Variants in WDPCP observed in about 807,000 individuals in gnomAD.
WDPCP encodes the protein WD repeat containing planar cell polarity effector.
WDPCP carries 71 observed loss-of-function variants against 93.1 expected under a neutral mutation model. That is an observed-to-expected ratio of 0.76 (90% CI 0.63 to 0.93). WDPCP has a LOEUF of 0.93. Among genes scored for constraint, WDPCP ranks in the 40% least tolerant of loss-of-function variants. The pLI is 0.00. For synonymous variants in WDPCP, 315 were observed against 315.0 expected, an observed-to-expected ratio of 1.00 and a Z score of 0.00; for missense variants, 844 against 887.4, an observed-to-expected ratio of 0.95 and a Z score of 0.62.
intron 1 of WDPCP, among the ~76,000 whole-genome samples, chr2:63,514,441 G>A (rs1242571345): frequency 6.6e-6 from 1 of 152,064 alleles, no homozygotes; most frequent in Non-Finnish European, 1.5e-5. Context: ...TACATGGGTT[G>A]CACCATTGAT....
chr2:63,491,962 C>T (rs1312677750), intron 2 of WDPCP, among the ~76,000 whole-genome samples: 1 of 152,148 alleles, frequency 6.6e-6, no homozygotes, highest in East Asian at 1.9e-4. Context: ...AGGGTTTATA[C>T]CTTCTTTATT....
chr2:63,380,929 C>G (rs949558849), intron 11 of WDPCP, among the ~76,000 whole-genome samples: 3 of 152,028 alleles, frequency 2.0e-5, no homozygotes, highest in African/African-American at 7.2e-5. Flanking sequence ...AGAATTCTAT[C>G]CAAACAACTT....
chr2:63,480,460 G>C (rs1166922270), intron 6 of WDPCP, among the ~76,000 whole-genome samples: 1 of 152,026 alleles, frequency 6.6e-6, no homozygotes, highest in African/African-American at 2.4e-5. Flanking sequence ...AAATCTGGAG[G>C]CATCACATTT....
intron 3 of WDPCP, among the ~76,000 whole-genome samples, chr2:63,606,658 G>A (rs1413396044): frequency 6.9e-6 from 1 of 145,154 alleles, no homozygotes; most frequent in East Asian, 2.0e-4. Context: ...CATTTTTGAA[G>A]TTTTTTTTTT....
chr2:63,257,900 A>G (rs945095905), intron 14 of WDPCP, among the ~76,000 whole-genome samples: 5 of 152,172 alleles, frequency 3.3e-5, no homozygotes, highest in Non-Finnish European at 7.4e-5. Flanking sequence ...ACAACTAAGG[A>G]AAATTCCCAG....
intron 1 of WDPCP, among the ~76,000 whole-genome samples, chr2:63,536,378 A>G (rs540793924): frequency 5.2e-4 from 79 of 152,364 alleles, no homozygotes; most frequent in Middle Eastern, 3.4e-3. Flanking sequence ...CCAAAGGATT[A>G]TAAATCATGC....
intron 1 of WDPCP, among the ~76,000 whole-genome samples, chr2:63,575,422 TATACAG>T: frequency 1.0e-5 from 1 of 98,430 alleles, no homozygotes; most frequent in Admixed American, 9.5e-5. Context: ...ATATACACTG[TATACAG>T]TGTATATACA....
At chr2:63,522,003 C>T (rs1702968995) in intron 1 of WDPCP, among the ~76,000 whole-genome samples, 1 of 151,992 alleles carries the variant, frequency 6.6e-6, no homozygotes, top group Non-Finnish European at 1.5e-5. Flanking sequence ...ATACAACATA[C>T]CAAAATCTCT....
intron 9 of WDPCP, among the ~76,000 whole-genome samples, chr2:63,420,361 T>TTAA (rs1368696608): frequency 8.3e-6 from 1 of 120,546 alleles, no homozygotes; most frequent in Non-Finnish European, 1.7e-5. Context: ...CATCTTTACT[T>TTAA]AAAAAAAAAA....
At chr2:63,666,754 T>C (rs1169927766) in intron 2 of WDPCP, among the ~76,000 whole-genome samples, 1 of 151,926 alleles carries the variant, frequency 6.6e-6, no homozygotes, top group East Asian at 1.9e-4. Flanking sequence ...ACATGGGGAG[T>C]GGAAATGCTG....
intron 2 of WDPCP, 152 bp from the exon 3 acceptor site, chr2:63,487,646 A>G (rs1408655686): frequency 5.2e-6 from 3 of 572,240 alleles, no homozygotes; most frequent in Non-Finnish European, 9.4e-6. Context: ...GCATCCGGAG[A>G]TGAGTTCGTC....
intron 6 of WDPCP, among the ~76,000 whole-genome samples, chr2:63,465,765 GT>G (rs1699308569): frequency 6.6e-6 from 1 of 152,070 alleles, no homozygotes; most frequent in Admixed American, 6.6e-5. Context: ...CCTAATTCCT[GT>G]TCTATGCTGA....
intron 12 of WDPCP, among the ~76,000 whole-genome samples, chr2:63,364,697 G>A (rs1289438056): frequency 6.6e-6 from 1 of 152,188 alleles, no homozygotes; most frequent in Non-Finnish European, 1.5e-5. Context: ...TCTCAACAGA[G>A]TGCTAGGACC....
At chr2:63,802,051 C>T (rs1247860591) in intron 2 of WDPCP, among the ~76,000 whole-genome samples, 2 of 152,108 alleles carry the variant, frequency 1.3e-5, no homozygotes, top group African/African-American at 2.4e-5. Context: ...TTTGTGGACA[C>T]ATTTTAACCA....
chr2:63,372,992 G>T (rs1054821196), intron 12 of WDPCP, among the ~76,000 whole-genome samples: 2 of 152,010 alleles, frequency 1.3e-5, no homozygotes, highest in African/African-American at 4.8e-5. Context: ...GCATGGTGGC[G>T]CATTCCTGTA....
At chr2:63,746,396 A>G (rs1669798000) in intron 2 of WDPCP, among the ~76,000 whole-genome samples, 1 of 152,182 alleles carries the variant, frequency 6.6e-6, no homozygotes, top group Admixed American at 6.5e-5. Flanking sequence ...AACAATATGA[A>G]ATATGGGCAC....
At chr2:63,592,865 G>A (rs1709226094), upstream of WDPCP, among the ~76,000 whole-genome samples, 5 of 151,970 alleles carry the variant, frequency 3.3e-5, no homozygotes, top group South Asian at 1.0e-3. Flanking sequence ...CTGTCCTTAA[G>A]GATCTCGTAT....
chr2:63,733,183 A>ATTTTTT (rs70965141), intron 2 of WDPCP, among the ~76,000 whole-genome samples: 8 of 94,934 alleles, frequency 8.4e-5, no homozygotes, highest in Non-Finnish European at 1.2e-4. Context: ...CAAATAAATG[A>ATTTTTT]TTTTTTTTTT....
At chr2:63,156,548 C>A (rs1574750921) in intron 15 of WDPCP, among the ~76,000 whole-genome samples, 1 of 151,808 alleles carries the variant, frequency 6.6e-6, no homozygotes, top group African/African-American at 2.4e-5. Flanking sequence ...CCCGTCTGGC[C>A]AACATGGTAA....
Sources: allele counts gnomAD v4.1 joint callset (sites outside exome capture counted in the v4.1 genomes callset), GRCh38; gene constraint gnomAD v4.1.1; transcripts MANE v1.5; gene names NCBI Gene and HGNC (gene_info 2026-07-23, HGNC 2026-07-21).